FAM13A: variants seen among roughly 807,000 people sequenced by gnomAD.
FAM13A encodes protein FAM13A.
Under a neutral mutation model 129.6 loss-of-function variants are expected in FAM13A, and 76 were observed. The observed-to-expected ratio is 0.59, with a 90% confidence interval of 0.49 to 0.71. FAM13A has a LOEUF of 0.71. Ranked by LOEUF, FAM13A falls within the 30% of genes least tolerant of loss-of-function variation. The pLI is 0.00. For synonymous variants in FAM13A, 443 were observed against 449.9 expected (o/e 0.98, Z 0.20); for missense variants, 1,108 against 1,249.3 (o/e 0.89, Z 1.70).
intron 6 of FAM13A, among the ~76,000 whole-genome samples, chr4:88,872,180 A>G (rs1741534600): frequency 6.6e-6 from 1 of 152,250 alleles, no homozygotes; most frequent in African/African-American, 2.4e-5. Context: ...AGTACCAGCC[A>G]CTGCAAAAAT....
intron 1 of FAM13A, among the ~76,000 whole-genome samples, chr4:89,038,703 G>A (rs923321139): frequency 7.2e-5 from 11 of 152,080 alleles, no homozygotes; most frequent in African/African-American, 2.4e-4. Context: ...ACAGAAAGGG[G>A]TAAAAAAGTT....
chr4:88,971,987 T>C (rs1465211529), intron 4 of FAM13A, among the ~76,000 whole-genome samples: 6 of 152,234 alleles, frequency 3.9e-5, no homozygotes, highest in Non-Finnish European at 8.8e-5. Context: ...CCTATTTCTT[T>C]GCTGCTTGTA....
chr4:89,005,389 G>A (rs9999793), intron 3 of FAM13A, among the ~76,000 whole-genome samples: 10,197 of 152,180 alleles, frequency 0.067, 442 homozygotes, highest in Non-Finnish European at 0.098. Flanking sequence ...ACATGCATGT[G>A]TCTTTATGGT....
chr4:89,042,651 T>C (rs1324906903), intron 1 of FAM13A, among the ~76,000 whole-genome samples: 1 of 152,088 alleles, frequency 6.6e-6, no homozygotes, highest in Non-Finnish European at 1.5e-5. Context: ...CTCAAAGAGG[T>C]CTATGATCTG....
Position 88,954,860 on chromosome 4 carries a change from T to C in FAM13A, c.606-16619A>G, listed in dbSNP as rs193260729. ...GAGATTGTGCCACTGTACTCCAGCC[T>C]GGGCGACAGAGCAAGACTTCGTCTC... On this transcript the variant is annotated intron_variant, in intron 4 of 23. Transcript: ENST00000264344. Among the ~76,000 whole-genome samples the C allele has an allele frequency of 4.1e-3, 602 of 146,268 alleles. 6 individuals carry two copies. Among genetic ancestry groups the C allele is most frequent in the African/African-American group, 0.014 (553 of 39,380 alleles).
chr4:88,754,179 C>A (rs751460873), intron 14 of FAM13A, among the ~76,000 whole-genome samples: 33 of 152,132 alleles, frequency 2.2e-4, no homozygotes, highest in Non-Finnish European at 3.8e-4. Flanking sequence ...GTATGACATG[C>A]CTCTCTATTA....
chr4:88,782,523 TA>T (rs1723151032), intron 10 of FAM13A, among the ~76,000 whole-genome samples: 1 of 152,134 alleles, frequency 6.6e-6, no homozygotes, highest in Admixed American at 6.6e-5. Context: ...AAATGAAAGA[TA>T]ACATTAAATA....
chr4:88,781,638 A>G (rs981527441), intron 10 of FAM13A, among the ~76,000 whole-genome samples: 2 of 152,188 alleles, frequency 1.3e-5, no homozygotes, highest in African/African-American at 4.8e-5. Context: ...AAGGGAGAAC[A>G]GTGCAAGTTT....
chr4:88,764,560 A>G (rs756738989), intron 13 of FAM13A, among the ~76,000 whole-genome samples: 2 of 152,210 alleles, frequency 1.3e-5, no homozygotes, highest in African/African-American at 4.8e-5. Flanking sequence ...TTTCAGGGAT[A>G]TCTTTTAGAA....
At chr4:88,887,083 G>GGGGAACCC (rs1331003225) in intron 6 of FAM13A, among the ~76,000 whole-genome samples, 1 of 152,044 alleles carries the variant, frequency 6.6e-6, no homozygotes, top group African/African-American at 2.4e-5. Flanking sequence ...ATTCATAAGT[G>GGGGAACCC]GGAGCTAAGC....
Position 89,000,089 on chromosome 4 carries a change from G to T in FAM13A, c.428-8939C>A, listed in dbSNP as rs1049896100. Among the ~76,000 whole-genome samples the T allele has an allele frequency of 7.2e-5, 11 of 152,214 alleles. No homozygotes were observed. The East Asian group carries it at 1.2e-3, about 16-fold the overall frequency. ...TGGGCCTCTTCTTGGCCTTGGAGCT[G>T]CTGGGTATCCTGCTTTTCCTCTTCA... On this transcript the variant is annotated intron_variant, in intron 3 of 23. Coordinates refer to ENST00000264344, the MANE Select transcript of FAM13A (RefSeq NM_014883.4).
chr4:89,020,675 AG>A lies in FAM13A; in HGVS notation c.218-7del. 2 of 1,598,152 alleles carry A rather than the reference AG, an allele frequency of 1.3e-6. No homozygotes were observed. Among genetic ancestry groups the A allele is most frequent in the Non-Finnish European group, 1.7e-6 (2 of 1,165,468 alleles). Reference sequence around the variant, plus strand: ...AAGACCTTCTTGGGTAAGTCCTGGAAGAGCAAAGTAGGCACAGAAAATAAAT... The same window carrying A: ...AAGACCTTCTTGGGTAAGTCCTGGAAAGCAAAGTAGGCACAGAAAATAAAT... On this transcript the variant is annotated splice_polypyrimidine_tract_variant and splice_region_variant and intron_variant, in intron 2 of 23. Coordinates refer to ENST00000264344, the MANE Select transcript of FAM13A (RefSeq NM_014883.4).
Position 88,739,357 on chromosome 4 carries a change from T to A in FAM13A, c.2467-232A>T, listed in dbSNP as rs151124976. ...GTCACTCCACTGGTAGTACTGCTTT[T>A]TCTAAATCCAAACTAGGATCATTCT... On this transcript the variant is annotated intron_variant, in intron 19 of 23. Transcript: ENST00000264344. 1.6e-3 allele frequency among the ~76,000 whole-genome samples: 250 copies of A among 152,278 alleles called. 1 individual carries two copies. The highest frequency in any genetic ancestry group is 6.8e-3 in the Middle Eastern group (2 of 294).
chr4:88,955,560 G>A (rs1757620743), intron 4 of FAM13A, among the ~76,000 whole-genome samples: 1 of 152,208 alleles, frequency 6.6e-6, no homozygotes. Flanking sequence ...ACAGGCAGAG[G>A]TTGGAACACT....
At chr4:88,891,441 GA>G (rs1745305998) in intron 6 of FAM13A, among the ~76,000 whole-genome samples, 1 of 151,676 alleles carries the variant, frequency 6.6e-6, no homozygotes, top group African/African-American at 2.4e-5. Flanking sequence ...AAAAGAGTAA[GA>G]AAAAAAGAAG....
intron 4 of FAM13A, among the ~76,000 whole-genome samples, chr4:88,951,493 C>G (rs950837279): frequency 6.6e-6 from 1 of 152,102 alleles, no homozygotes; most frequent in Non-Finnish European, 1.5e-5. Context: ...TCTCAGTGTT[C>G]AGATTACTTA....
intron 10 of FAM13A, among the ~76,000 whole-genome samples, chr4:88,783,438 T>C (rs1723346544): frequency 6.6e-6 from 1 of 152,148 alleles, no homozygotes. Flanking sequence ...TAGCTGGGAC[T>C]ACAGGCATGC....
intron 6 of FAM13A, among the ~76,000 whole-genome samples, chr4:88,872,322 A>G (rs1308898552): frequency 6.6e-6 from 1 of 152,220 alleles, no homozygotes; most frequent in Admixed American, 6.5e-5. Flanking sequence ...AATAAGCTAA[A>G]TGCCCCAATT....
chr4:88,874,235 A>G (rs1042148321), intron 6 of FAM13A, among the ~76,000 whole-genome samples: 2 of 152,214 alleles, frequency 1.3e-5, no homozygotes, highest in Non-Finnish European at 2.9e-5. Context: ...GGCACAAGAC[A>G]GGGATGCCCT....
Sources: gnomAD v4.1 joint callset for allele counts (sites outside exome capture counted in the v4.1 genomes callset) on GRCh38, gnomAD v4.1.1 for gene constraint, MANE v1.5 for transcripts, NCBI Gene and HGNC (gene_info 2026-07-23, HGNC 2026-07-21) for gene names.